The following MAPK10 variants were observed in gnomAD, a reference collection of about 807,000 sequenced individuals.
MAPK10 encodes the protein JNK3 alpha protein kinase.
Under a neutral mutation model 59.3 loss-of-function variants are expected in MAPK10, and 25 were observed. The ratio of observed to expected loss-of-function variants is 0.42; its 90% CI spans 0.31 to 0.59. The LOEUF (loss-of-function observed/expected upper bound fraction) is 0.59. MAPK10 is among the 20% of genes least tolerant of loss of function. MAPK10 has a pLI of 0.15. For missense variants in MAPK10, 351 were observed against 568.9 expected (o/e 0.62, Z 3.90); for synonymous variants, 190 against 200.5 (o/e 0.95, Z 0.44).
At chr4:86,181,306 C>T (rs1219805160) in intron 3 of MAPK10, among the ~76,000 whole-genome samples, 1 of 151,906 alleles carries the variant, frequency 6.6e-6, no homozygotes, top group Non-Finnish European at 1.5e-5. Context: ...AAAAGGAAGA[C>T]CAGTCTTAGC....
intron 2 of MAPK10, among the ~76,000 whole-genome samples, chr4:86,305,914 C>A (rs1182434940): frequency 6.6e-6 from 1 of 151,590 alleles, no homozygotes; most frequent in Non-Finnish European, 1.5e-5. Flanking sequence ...GAAATGGAAT[C>A]AATTGTCATG....
At chr4:86,049,819 A>T (rs1391846886) in intron 11 of MAPK10, among the ~76,000 whole-genome samples, 1 of 152,074 alleles carries the variant, frequency 6.6e-6, no homozygotes, top group African/African-American at 2.4e-5. Context: ...TTCCTAAATC[A>T]TCTTTCTACT....
At chr4:86,107,719 T>C in intron 4 of MAPK10, 1 of 934,326 alleles carries the variant, frequency 1.1e-6, no homozygotes, top group Non-Finnish European at 1.3e-6. Context: ...GCCATGTGAC[T>C]ATGGCAAGTC....
chr4:86,323,466 A>G (rs943755270), intron 2 of MAPK10, among the ~76,000 whole-genome samples: 1 of 152,192 alleles, frequency 6.6e-6, no homozygotes, highest in Non-Finnish European at 1.5e-5. Context: ...TCACCAAATC[A>G]TGTTGAGCAT....
intron 9 of MAPK10, among the ~76,000 whole-genome samples, chr4:86,070,012 T>G: frequency 6.6e-6 from 1 of 152,188 alleles, no homozygotes; most frequent in East Asian, 1.9e-4. Flanking sequence ...TAAATCATAA[T>G]TAGAATCTAG....
chr4:86,491,765 TA>T (rs1419485782), intron 1 of MAPK10, among the ~76,000 whole-genome samples: 1 of 152,214 alleles, frequency 6.6e-6, no homozygotes, highest in African/African-American at 2.4e-5. Flanking sequence ...GCTGATTTCT[TA>T]TTATTTTATT....
At chr4:86,060,614 A>G (rs908197784) in intron 11 of MAPK10, among the ~76,000 whole-genome samples, 1 of 152,136 alleles carries the variant, frequency 6.6e-6, no homozygotes, top group Non-Finnish European at 1.5e-5. Context: ...CTTCATGAAC[A>G]TTGTATTTTC....
At chr4:86,098,909 G>A in intron 8 of MAPK10, 1 of 247,780 alleles carries the variant, frequency 4.0e-6, no homozygotes, top group Non-Finnish European at 7.9e-6. Context: ...TATCTCCATG[G>A]CAGGTGACAG....
intron 4 of MAPK10, among the ~76,000 whole-genome samples, chr4:86,128,125 T>C (rs1174035764): frequency 6.6e-6 from 1 of 152,146 alleles, no homozygotes; most frequent in Non-Finnish European, 1.5e-5. Context: ...ATAGGCACTC[T>C]TGTTGTTCAA....
intron 1 of MAPK10, among the ~76,000 whole-genome samples, chr4:86,533,185 A>G (rs1019700425): frequency 1.3e-5 from 2 of 152,218 alleles, no homozygotes; most frequent in Non-Finnish European, 2.9e-5. Flanking sequence ...CATTTACACA[A>G]TGTGCCTAGA....
At chr4:86,076,631 T>C (rs900034325) in intron 9 of MAPK10, among the ~76,000 whole-genome samples, 2 of 152,228 alleles carry the variant, frequency 1.3e-5, no homozygotes, top group Admixed American at 1.3e-4. Context: ...TGAAGCCCCT[T>C]CCTTAGTCTA....
At chr4:86,483,618 A>G (rs1174699427) in intron 1 of MAPK10, among the ~76,000 whole-genome samples, 2 of 152,186 alleles carry the variant, frequency 1.3e-5, no homozygotes, top group Middle Eastern at 3.4e-3. Context: ...ACATTGGACA[A>G]TATTTATCGA....
chr4:86,141,110 C>CTTA (rs1269881216), intron 4 of MAPK10, among the ~76,000 whole-genome samples: 1 of 152,176 alleles, frequency 6.6e-6, no homozygotes, highest in Non-Finnish European at 1.5e-5. Context: ...AGTCATTCAG[C>CTTA]TTATTTGTGA....
intron 4 of MAPK10, among the ~76,000 whole-genome samples, chr4:86,143,572 A>G: frequency 6.6e-6 from 1 of 152,190 alleles, no homozygotes; most frequent in East Asian, 1.9e-4. Flanking sequence ...TTCAGAGTAT[A>G]TTGTAATATA....
At chr4:86,064,866 A>G (rs1265952778) in intron 10 of MAPK10, 6 of 152,506 alleles carry the variant, frequency 3.9e-5, no homozygotes, top group African/African-American at 1.4e-4. Context: ...AAGAGTTTGT[A>G]TCATACAAAT....
At chr4:86,232,662 CA>C (rs145643150) in intron 2 of MAPK10, among the ~76,000 whole-genome samples, 12,768 of 152,228 alleles carry the variant, frequency 0.084, 1,176 homozygotes, top group African/African-American at 0.23. Flanking sequence ...CGTGAGCCAC[CA>C]CGCCCGGCCT....
At chr4:86,284,822 A>G (rs1191242848) in intron 2 of MAPK10, among the ~76,000 whole-genome samples, 2 of 152,216 alleles carry the variant, frequency 1.3e-5, no homozygotes, top group African/African-American at 4.8e-5. Flanking sequence ...CTAAACATGC[A>G]GTACATATGC....
intron 11 of MAPK10, 69 bp from the exon 12 acceptor site, chr4:86,031,500 G>A (rs1052545590): frequency 2.1e-5 from 22 of 1,032,000 alleles, no homozygotes; most frequent in Non-Finnish European, 2.9e-5. Flanking sequence ...TACAATGCAC[G>A]AGAATACCTT....
intron 2 of MAPK10, among the ~76,000 whole-genome samples, chr4:86,273,327 A>G (rs1249691129): frequency 6.6e-6 from 1 of 152,078 alleles, no homozygotes; most frequent in Non-Finnish European, 1.5e-5. Context: ...TGTTAGCTAA[A>G]TCCAAAAATC....
Sources: gnomAD v4.1 joint callset for allele counts (sites outside exome capture counted in the v4.1 genomes callset) on GRCh38, gnomAD v4.1.1 for gene constraint, MANE v1.5 for transcripts, NCBI Gene and HGNC (gene_info 2026-07-23, HGNC 2026-07-21) for gene names.